Variants in PTPRN2 observed in about 807,000 individuals in gnomAD.
PTPRN2 encodes the protein receptor-type tyrosine-protein phosphatase N2.
A neutral mutation model predicts 118.8 loss-of-function variants in PTPRN2; 74 were observed. The observed-to-expected ratio is 0.62, with a 90% CI of 0.52 to 0.76. The LOEUF is 0.76. Among genes scored for constraint, PTPRN2 ranks in the 30% least tolerant of loss-of-function variants. The pLI is 0.00. For synonymous variants in PTPRN2, 641 were observed against 608.0 expected (o/e 1.05, Z -0.80); for missense variants, 1,481 against 1,394.4 (o/e 1.06, Z -0.99).
intron 12 of PTPRN2, among the ~76,000 whole-genome samples, chr7:157,811,901 G>C (rs1477922931): frequency 6.6e-6 from 1 of 152,134 alleles, no homozygotes; most frequent in African/African-American, 2.4e-5. Context: ...AAGGCCATCT[G>C]TATCCCCAAT....
intron 22 of PTPRN2, among the ~76,000 whole-genome samples, chr7:157,547,483 C>T (rs550924570): frequency 1.1e-4 from 16 of 152,026 alleles, no homozygotes; most frequent in African/African-American, 3.4e-4. Flanking sequence ...CGTCCAGTTC[C>T]TGTTGAGCCA....
chr7:158,136,236 A>G (rs1818797765), intron 8 of PTPRN2, among the ~76,000 whole-genome samples: 2 of 152,170 alleles, frequency 1.3e-5, no homozygotes, highest in South Asian at 4.1e-4. Flanking sequence ...ATAGGTTTAG[A>G]TGGCCACATG....
intron 12 of PTPRN2, among the ~76,000 whole-genome samples, chr7:157,692,539 G>C (rs888713231): frequency 6.6e-6 from 1 of 152,184 alleles, no homozygotes; most frequent in African/African-American, 2.4e-5. Context: ...GAAGGACCCC[G>C]TTTCCTCTGA....
At chr7:157,748,593 G>C (rs116015176) in intron 12 of PTPRN2, among the ~76,000 whole-genome samples, 740 of 133,684 alleles carry the variant, frequency 5.5e-3, no homozygotes, top group Admixed American at 0.018. Flanking sequence ...GGGTGATTCT[G>C]AGGTCTGCGT....
At chr7:157,771,229 C>G (rs1405541876) in intron 12 of PTPRN2, among the ~76,000 whole-genome samples, 3 of 152,234 alleles carry the variant, frequency 2.0e-5, no homozygotes, top group Admixed American at 6.5e-5. Context: ...CCCTCCAGCC[C>G]CCTTGGACCA....
intron 12 of PTPRN2, among the ~76,000 whole-genome samples, chr7:157,859,732 T>C (rs112502345): frequency 0.021 from 590 of 28,098 alleles, 48 homozygotes; most frequent in African/African-American, 0.072. Flanking sequence ...CACACTCCTG[T>C]AGGGAGAGCC....
At chr7:158,261,251 G>A (rs962816552) in intron 3 of PTPRN2, among the ~76,000 whole-genome samples, 15 of 152,142 alleles carry the variant, frequency 9.9e-5, no homozygotes, top group East Asian at 1.9e-4. Flanking sequence ...CAAGCAGGCC[G>A]GGCAGCGGGA....
Position 157,987,685 on chromosome 7 carries a change from T to A in PTPRN2, c.1724-88948A>T, listed in dbSNP as rs964097325. ...TTCCTCGGGCCTGTCCTAAATGCTA[T>A]CAGTCTTTCTCTAGAGATGGGGCAG... On this transcript the variant is annotated intron_variant, in intron 11 of 22. Coordinates refer to ENST00000389418, the MANE Select transcript of PTPRN2 (RefSeq NM_002847.5). The surrounding 1 kb of genome is among the most constrained non-coding windows in gnomAD (Gnocchi z 4.3). Among the ~76,000 whole-genome samples, 1 of 152,110 alleles carries A rather than the reference T, an allele frequency of 6.6e-6. No individual in the cohort carries two copies. Among genetic ancestry groups the A allele is most frequent in the Admixed American group, 6.5e-5 (1 of 15,288 alleles).
At chr7:158,310,407 A>C (rs1249233371) in intron 3 of PTPRN2, among the ~76,000 whole-genome samples, 2 of 152,246 alleles carry the variant, frequency 1.3e-5, no homozygotes, top group Admixed American at 6.5e-5. Flanking sequence ...GGAACACACT[A>C]TCGGACGGTG....
At chr7:158,576,206 G>C (rs1828309021) in intron 1 of PTPRN2, among the ~76,000 whole-genome samples, 1 of 152,162 alleles carries the variant, frequency 6.6e-6, no homozygotes, top group South Asian at 2.1e-4. Flanking sequence ...AACACACCAA[G>C]TCACTCACAG....
intron 3 of PTPRN2, among the ~76,000 whole-genome samples, chr7:158,247,482 G>A (rs1363919808): frequency 1.3e-5 from 2 of 152,280 alleles, no homozygotes; most frequent in Non-Finnish European, 2.9e-5. Flanking sequence ...TCCCCACCAC[G>A]CCCATGTCCA....
intron 2 of PTPRN2, among the ~76,000 whole-genome samples, chr7:158,345,434 G>A (rs1191501953): frequency 1.3e-5 from 2 of 152,164 alleles, no homozygotes; most frequent in Non-Finnish European, 2.9e-5. Flanking sequence ...AGGCTCAGGA[G>A]GACTTGTATT....
chr7:157,737,886 G>A (rs144738278), intron 12 of PTPRN2, among the ~76,000 whole-genome samples: 4 of 152,326 alleles, frequency 2.6e-5, no homozygotes, highest in Admixed American at 1.3e-4. Flanking sequence ...CTGGGCGGGG[G>A]AGGAGGCTCC....
Position 157,621,402 on chromosome 7 carries a change from C to T in PTPRN2, c.2304G>A (p.Glu768=). 1.2e-6 allele frequency: 2 copies of T among 1,602,488 alleles called. No individual in the cohort carries two copies. The highest frequency in any genetic ancestry group is 1.7e-6 in the Non-Finnish European group (2 of 1,175,236). Residue 768 remains glutamate, a synonymous_variant, in exon 15 of 23, where the codon GAG becomes GAA. Transcript: ENST00000389418. Reference sequence around the variant, plus strand: ...GGGAGCGGTTCTTGGGCACGTTCTCCTCCCTCTGGGCCACGAACGAGCTGT... The same window carrying T: ...GGGAGCGGTTCTTGGGCACGTTCTCTTCCCTCTGGGCCACGAACGAGCTGT... The part of the protein sequence containing the change: ...EPNSSFVAQR[E]ENVPKNRSLA...
chr7:157,677,542 A>C (rs1293277230), intron 13 of PTPRN2, among the ~76,000 whole-genome samples: 1 of 152,188 alleles, frequency 6.6e-6, no homozygotes, highest in Non-Finnish European at 1.5e-5. Flanking sequence ...ATCTGTGAAC[A>C]CTTCAGATTT....
intron 1 of PTPRN2, among the ~76,000 whole-genome samples, chr7:158,510,453 T>A (rs1428268216): frequency 1.4e-5 from 2 of 145,094 alleles, no homozygotes; most frequent in South Asian, 4.2e-4. Flanking sequence ...ACTCTCTCTC[T>A]CTCTCTCTCT....
In PTPRN2 at chr7:158,228,861, G is replaced by A. The variant is rs1828987733; in HGVS notation, c.278-23588C>T. ...TCAACCCATGGGAAGCGCTGCAAAT[G>A]TGTGAAGGGAAACATCCCTGAGGAC... On this transcript the variant is annotated intron_variant, in intron 3 of 22. Coordinates refer to ENST00000389418, the MANE Select transcript of PTPRN2 (RefSeq NM_002847.5). Among the ~76,000 whole-genome samples, 3 of 152,102 alleles carry A rather than the reference G, an allele frequency of 2.0e-5. No homozygotes were observed. In the South Asian group the frequency reaches 6.2e-4, roughly 32 times the overall value.
chr7:157,916,288 C>T (rs1168094207), intron 11 of PTPRN2, among the ~76,000 whole-genome samples: 2 of 152,174 alleles, frequency 1.3e-5, no homozygotes, highest in Non-Finnish European at 2.9e-5. Flanking sequence ...CCCAAATGGT[C>T]CCAGGCTCCT....
At chr7:158,102,649 G>C (rs571858092) in intron 10 of PTPRN2, among the ~76,000 whole-genome samples, 29 of 152,342 alleles carry the variant, frequency 1.9e-4, no homozygotes, top group Admixed American at 1.0e-3. Flanking sequence ...GAGGCAGAAG[G>C]GGGTGTGGGA....
Sources: gnomAD v4.1 joint callset for allele counts (sites outside exome capture counted in the v4.1 genomes callset) on GRCh38, gnomAD v4.1.1 for gene constraint, Gnocchi (gnomAD v3.1) non-coding constraint, MANE v1.5 for transcripts, NCBI Gene and HGNC (gene_info 2026-07-23, HGNC 2026-07-21) for gene names.